The following RCAN2 variants were observed in gnomAD, a reference collection of about 807,000 sequenced individuals.
The protein encoded by RCAN2 is calcipressin-2.
RCAN2 carries 9 observed loss-of-function variants against 23.6 expected under a neutral mutation model. That is an observed-to-expected ratio of 0.38 (90% confidence interval 0.23 to 0.67). The LOEUF is 0.67. RCAN2 is among the 30% of genes least tolerant of loss of function. RCAN2 has a pLI of 0.51. For missense variants in RCAN2, 273 were observed against 302.3 expected (o/e 0.90, Z 0.72); for synonymous variants, 109 against 115.7 (o/e 0.94, Z 0.37).
intron 2 of RCAN2, among the ~76,000 whole-genome samples, chr6:46,276,667 A>C (rs970246671): frequency 1.3e-5 from 2 of 152,246 alleles, no homozygotes; most frequent in African/African-American, 4.8e-5. Flanking sequence ...ATTTGAAAGA[A>C]GCTGTCCCAT....
At chr6:46,282,381 T>C (rs1467408805) in intron 2 of RCAN2, among the ~76,000 whole-genome samples, 1 of 138,118 alleles carries the variant, frequency 7.2e-6, no homozygotes, top group East Asian at 2.1e-4. Flanking sequence ...TCATCTCTAC[T>C]AAAAAAAAAA....
intron 2 of RCAN2, among the ~76,000 whole-genome samples, chr6:46,334,780 C>T (rs1764089013): frequency 6.6e-6 from 1 of 152,196 alleles, no homozygotes; most frequent in Non-Finnish European, 1.5e-5. Flanking sequence ...CAGCTAATCA[C>T]TGAGTGGCAC....
intron 2 of RCAN2, among the ~76,000 whole-genome samples, chr6:46,340,533 C>T (rs979338416): frequency 6.6e-6 from 1 of 152,196 alleles, no homozygotes; most frequent in Non-Finnish European, 1.5e-5. Flanking sequence ...TTCTCCTCTT[C>T]AAGCTGACCT....
chr6:46,356,352 C>A (rs948909093), intron 2 of RCAN2, among the ~76,000 whole-genome samples: 15 of 152,176 alleles, frequency 9.9e-5, no homozygotes, highest in African/African-American at 3.6e-4. Context: ...GCTCTGTGCC[C>A]TCCCTCAAGC....
chr6:46,242,110 C>T (rs146446112), intron 4 of RCAN2, among the ~76,000 whole-genome samples: 17 of 152,244 alleles, frequency 1.1e-4, no homozygotes, highest in East Asian at 5.8e-4. Context: ...CGTCTCCTGT[C>T]GCAACATCTT....
At chr6:46,359,083 G>A (rs1764922247) in intron 2 of RCAN2, among the ~76,000 whole-genome samples, 1 of 152,188 alleles carries the variant, frequency 6.6e-6, no homozygotes, top group South Asian at 2.1e-4. Context: ...ACCTGTGGAG[G>A]TTCTGAATCA....
chr6:46,224,294 T>A (rs1375311546), intron 4 of RCAN2, among the ~76,000 whole-genome samples: 2 of 152,192 alleles, frequency 1.3e-5, no homozygotes, highest in Non-Finnish European at 2.9e-5. Flanking sequence ...GGACATCCCA[T>A]CCTTCACTTC....
At chr6:46,341,010 T>C (rs1764303197) in intron 2 of RCAN2, among the ~76,000 whole-genome samples, 1 of 152,086 alleles carries the variant, frequency 6.6e-6, no homozygotes, top group South Asian at 2.1e-4. Flanking sequence ...GCTTAAGAAA[T>C]GAGCATGAAA....
chr6:46,432,830 T>G (rs1241493706), intron 2 of RCAN2, among the ~76,000 whole-genome samples: 7 of 152,290 alleles, frequency 4.6e-5, no homozygotes, highest in Admixed American at 4.6e-4. Context: ...CGTGGCACAA[T>G]GGTAGTACAT....
rs183582223 is a variant in RCAN2, at chr6:46,391,602, T to C, written c.225+65150A>G. ...TTCTTGGGGGCTACACTTCAAATCTTGAGAGCAAAACTAGCAATATCATGA... is the reference window on the plus strand; with the variant it reads ...TTCTTGGGGGCTACACTTCAAATCTCGAGAGCAAAACTAGCAATATCATGA... On this transcript the variant is annotated intron_variant, in intron 2 of 4. Coordinates refer to ENST00000371374, the MANE Select transcript of RCAN2 (RefSeq NM_001251974.2). 8.5e-5 allele frequency among the ~76,000 whole-genome samples: 13 copies of C among 152,316 alleles called. No homozygotes were observed. The East Asian group carries it at 2.3e-3, about 27-fold the overall frequency.
At chr6:46,482,248 A>G (rs1362445371) in intron 1 of RCAN2, among the ~76,000 whole-genome samples, 2 of 152,092 alleles carry the variant, frequency 1.3e-5, no homozygotes, top group East Asian at 3.8e-4. Context: ...TTAATATTAA[A>G]GGATATTAAA....
chr6:46,225,133 T>C (rs1215517373), intron 4 of RCAN2, among the ~76,000 whole-genome samples: 1 of 152,214 alleles, frequency 6.6e-6, no homozygotes, highest in African/African-American at 2.4e-5. Flanking sequence ...TATGGCTGCA[T>C]AGTATTCCAT....
intron 2 of RCAN2, among the ~76,000 whole-genome samples, chr6:46,371,235 G>A (rs778654466): frequency 2.6e-5 from 4 of 152,106 alleles, no homozygotes; most frequent in Non-Finnish European, 5.9e-5. Flanking sequence ...CCTCCTCAAC[G>A]GTGAGTAGAG....
chr6:46,460,673 T>C (rs79632904), intron 1 of RCAN2, among the ~76,000 whole-genome samples: 1,614 of 152,294 alleles, frequency 0.011, 36 homozygotes, highest in African/African-American at 0.037. Context: ...TCAATCCAGA[T>C]TGGTATTTCT....
chr6:46,457,083 T>C (rs948873683), intron 1 of RCAN2, 105 bp from the exon 2 acceptor site: 65 of 709,198 alleles, frequency 9.2e-5, no homozygotes, highest in Non-Finnish European at 1.5e-4. Flanking sequence ...TGGAGTACGA[T>C]TAGGAGCAGA....
chr6:46,489,450 T>A (rs1232438089), intron 1 of RCAN2, among the ~76,000 whole-genome samples: 1 of 152,170 alleles, frequency 6.6e-6, no homozygotes, highest in African/African-American at 2.4e-5. Flanking sequence ...ATTGATCGAG[T>A]GGATGCTACA....
intron 1 of RCAN2, among the ~76,000 whole-genome samples, chr6:46,459,946 T>C (rs1301101332): frequency 6.6e-6 from 1 of 152,198 alleles, no homozygotes; most frequent in Non-Finnish European, 1.5e-5. Flanking sequence ...GCTTCAGTAT[T>C]GCCCAAATAA....
intron 2 of RCAN2, among the ~76,000 whole-genome samples, chr6:46,424,966 CT>C (rs1447280788): frequency 7.2e-5 from 11 of 152,266 alleles, no homozygotes; most frequent in African/African-American, 2.6e-4. Flanking sequence ...CCTCATGGAG[CT>C]TTTGTTCTAG....
intron 2 of RCAN2, among the ~76,000 whole-genome samples, chr6:46,292,887 C>A (rs561788007): frequency 6.6e-6 from 1 of 152,200 alleles, no homozygotes; most frequent in South Asian, 2.1e-4. Context: ...TCCACCCCCA[C>A]GACAGGCCTT....
Sources: allele counts gnomAD v4.1 joint callset (sites outside exome capture counted in the v4.1 genomes callset), GRCh38; gene constraint gnomAD v4.1.1; transcripts MANE v1.5; gene names NCBI Gene and HGNC (gene_info 2026-07-23, HGNC 2026-07-21).